TMEM71: variants seen among roughly 807,000 people sequenced by gnomAD.
TMEM71 encodes transmembrane protein 71.
A neutral mutation model predicts 38.0 loss-of-function variants in TMEM71; 44 were observed. The ratio of observed to expected loss-of-function variants is 1.16; its 90% CI spans 0.91 to 1.49. The LOEUF (loss-of-function observed/expected upper bound fraction) is 1.49. Among genes scored for constraint, TMEM71 ranks in the 40% most tolerant of loss-of-function variants. The pLI is 0.00. For synonymous variants in TMEM71, 133 were observed against 122.5 expected (o/e 1.09, Z -0.56); for missense variants, 367 against 348.6 (o/e 1.05, Z -0.42).
At chr8:132,720,265 C>T (rs1826766706) in intron 7 of TMEM71, among the ~76,000 whole-genome samples, 1 of 152,090 alleles carries the variant, frequency 6.6e-6, no homozygotes, top group Non-Finnish European at 1.5e-5. Flanking sequence ...TAAATGCAGC[C>T]CTCCCTTAAA....
chr8:132,768,675 A>G, the TMEM71 span, among the ~76,000 whole-genome samples: 1 of 152,242 alleles, frequency 6.6e-6, no homozygotes, highest in South Asian at 2.1e-4. Flanking sequence ...AGAGGAAGTA[A>G]TCCGATACTT....
the TMEM71 span, among the ~76,000 whole-genome samples, chr8:132,766,759 C>T: frequency 3.3e-4 from 49 of 149,146 alleles, no homozygotes; most frequent in African/African-American, 1.5e-4. Flanking sequence ...TACCCTAACC[C>T]GGGCAACAGA....
chr8:132,711,566 T>G (rs1826238892), intron 9 of TMEM71, among the ~76,000 whole-genome samples: 1 of 152,208 alleles, frequency 6.6e-6, no homozygotes, highest in African/African-American at 2.4e-5. Flanking sequence ...ATTTTGTTAC[T>G]ATGAAATCAT....
chr8:132,706,226 T>C (rs1231504403), downstream of TMEM71, among the ~76,000 whole-genome samples: 5 of 152,176 alleles, frequency 3.3e-5, no homozygotes, highest in African/African-American at 9.7e-5. Context: ...TATTTTCTTA[T>C]AGCAGTCTGA....
chr8:132,715,409 CA>C (rs975995287), intron 7 of TMEM71, among the ~76,000 whole-genome samples: 237 of 21,542 alleles, frequency 0.011, no homozygotes, highest in East Asian at 0.028. Flanking sequence ...GACTCCGTCT[CA>C]AAAAAAAAAA....
At chr8:132,752,337 T>C (rs1828761824) in intron 3 of TMEM71, among the ~76,000 whole-genome samples, 1 of 152,198 alleles carries the variant, frequency 6.6e-6, no homozygotes, top group South Asian at 2.1e-4. Flanking sequence ...CTCTACTCTC[T>C]TACTTTGAAT....
At chr8:132,750,807 C>T (rs141105138) in intron 4 of TMEM71, among the ~76,000 whole-genome samples, 5 of 152,228 alleles carry the variant, frequency 3.3e-5, no homozygotes, top group East Asian at 3.9e-4. Context: ...GTAAATTGTC[C>T]TACCATACAT....
At chr8:132,746,450 TAC>T (rs1462654713) in intron 5 of TMEM71, among the ~76,000 whole-genome samples, 2 of 19,236 alleles carry the variant, frequency 1.0e-4, no homozygotes, top group Non-Finnish European at 1.4e-4. Context: ...CATATACATA[TAC>T]ATATATATAT....
chr8:132,746,452 CATATAT>C (rs1231799546), intron 5 of TMEM71, among the ~76,000 whole-genome samples: 3 of 17,924 alleles, frequency 1.7e-4, no homozygotes, highest in Non-Finnish European at 4.4e-4. Flanking sequence ...TATACATATA[CATATAT>C]ATATACATAT....
intron 5 of TMEM71, among the ~76,000 whole-genome samples, chr8:132,728,723 T>G (rs1457915135): frequency 1.3e-5 from 2 of 152,232 alleles, no homozygotes; most frequent in African/African-American, 4.8e-5. Context: ...CAGTCAACTC[T>G]TTCTACTTCT....
rs144270769 is a variant in TMEM71, at chr8:132,715,908, A to G, written c.753-1693T>C. The stretch of plus-strand genomic sequence containing the variant: ...TCTGACAAAACAAGAAATTAAGGGA[A>G]GACAGAAATGGTGGGAAAAACTGAA... On this transcript the variant is annotated intron_variant, in intron 7 of 9. Coordinates refer to ENST00000677595, the MANE Select transcript of TMEM71 (RefSeq NM_001382403.1). Among the ~76,000 whole-genome samples, 83 of 152,340 alleles carry G rather than the reference A, an allele frequency of 5.4e-4. No individual in the cohort carries two copies. The South Asian group carries it at 6.2e-3, about 11-fold the overall frequency.
At chr8:132,766,032 C>G in the TMEM71 span, among the ~76,000 whole-genome samples, 2 of 152,094 alleles carry the variant, frequency 1.3e-5, no homozygotes, top group African/African-American at 2.4e-5. Flanking sequence ...GATCCACCTG[C>G]CTCAGCCTCC....
At chr8:132,748,492 T>C (rs950918904) in intron 4 of TMEM71, among the ~76,000 whole-genome samples, 121 of 152,224 alleles carry the variant, frequency 7.9e-4, no homozygotes, top group African/African-American at 2.8e-3. Context: ...GTTGAGAAAA[T>C]CTGCTTTATT....
chr8:132,766,576 G>T, the TMEM71 span, among the ~76,000 whole-genome samples: 1 of 152,070 alleles, frequency 6.6e-6, no homozygotes, highest in Non-Finnish European at 1.5e-5. Flanking sequence ...GAGGTAGGCG[G>T]ATCACTTAAG....
At chr8:132,752,553 A>G (rs1457385041) in intron 3 of TMEM71, among the ~76,000 whole-genome samples, 9 of 152,104 alleles carry the variant, frequency 5.9e-5, no homozygotes, top group African/African-American at 1.7e-4. Context: ...GAGTAAATCT[A>G]TATGTGTCTT....
At chr8:132,753,472 G>A (rs1032997401) in intron 3 of TMEM71, among the ~76,000 whole-genome samples, 2 of 152,138 alleles carry the variant, frequency 1.3e-5, no homozygotes, top group African/African-American at 4.8e-5. Context: ...AGAATCAGGA[G>A]TTTTGGCGGT....
chr8:132,707,207 G>T (rs1826106677), downstream of TMEM71, among the ~76,000 whole-genome samples: 1 of 152,256 alleles, frequency 6.6e-6, no homozygotes, highest in African/African-American at 2.4e-5. Flanking sequence ...ATAGTATTTA[G>T]AAACGTAATT....
chr8:132,753,160 C>T lies in TMEM71; in HGVS notation c.102-1163G>A, dbSNP rs558712262. Among the ~76,000 whole-genome samples, 28 of 151,968 alleles carry T rather than the reference C, an allele frequency of 1.8e-4. 1 individual carries two copies. The highest frequency in any genetic ancestry group is 6.8e-4 in the African/African-American group (28 of 41,350). ...TGTCTGCCTCAGTAATTATTTTATACATTACTGGAGGGCAGATACTGTAAG... is the reference window on the plus strand; with the variant it reads ...TGTCTGCCTCAGTAATTATTTTATATATTACTGGAGGGCAGATACTGTAAG... On this transcript the variant is annotated intron_variant, in intron 3 of 9. Coordinates refer to ENST00000677595, the MANE Select transcript of TMEM71 (RefSeq NM_001382403.1).
intron 2 of TMEM71, chr8:132,758,093 AGTTTT>A (rs1388935036): frequency 1.3e-5 from 2 of 152,176 alleles, no homozygotes; most frequent in Non-Finnish European, 2.9e-5. Flanking sequence ...GAAGAAATAA[AGTTTT>A]GTTTTGTTTT....
Sources: gnomAD v4.1 joint callset for allele counts (sites outside exome capture counted in the v4.1 genomes callset) on GRCh38, gnomAD v4.1.1 for gene constraint, MANE v1.5 for transcripts, NCBI Gene and HGNC (gene_info 2026-07-23, HGNC 2026-07-21) for gene names.